NIPAL3: variants seen among roughly 807,000 people sequenced by gnomAD.
NIPAL3 encodes the protein NIPA-like protein 3.
NIPAL3 carries 41 observed loss-of-function variants against 47.2 expected under a neutral mutation model. That is an observed-to-expected ratio of 0.87 (90% CI 0.68 to 1.13). The LOEUF is 1.13. Among genes scored for constraint, NIPAL3 ranks in the 50% most tolerant of loss-of-function variants. The pLI is 0.00. For missense variants in NIPAL3, 449 were observed against 530.1 expected, an observed-to-expected ratio of 0.85 and a Z score of 1.50; for synonymous variants, 194 against 209.6, an observed-to-expected ratio of 0.93 and a Z score of 0.64.
At chr1:24,443,327 A>G (rs992121246) in intron 4 of NIPAL3, among the ~76,000 whole-genome samples, 6 of 152,220 alleles carry the variant, frequency 3.9e-5, no homozygotes, top group Non-Finnish European at 8.8e-5. Context: ...TTGCTTTGAA[A>G]TATTTCTTTC....
In NIPAL3 at chr1:24,451,548, T is replaced by G. The variant is rs570638716; in HGVS notation, c.541-1860T>G. Among the ~76,000 whole-genome samples the G allele has an allele frequency of 3.5e-4, 52 of 150,582 alleles. No individual in the cohort carries two copies. The highest frequency in any genetic ancestry group is 1.2e-3 in the African/African-American group (50 of 40,958). On this transcript the variant is annotated intron_variant, in intron 6 of 11. Transcript: ENST00000374399. This position sits in a 1 kb window ranked among gnomAD's most constrained non-coding sequence, Gnocchi z 4.5. The stretch of plus-strand genomic sequence containing the variant: ...CCGTCTCTATTTGGAAAAAAAAAAG[T>G]AAAAATTAGCCAGGTGTGGTGATGC...
At chr1:24,443,197 A>G (rs1645482040) in intron 4 of NIPAL3, among the ~76,000 whole-genome samples, 2 of 152,236 alleles carry the variant, frequency 1.3e-5, no homozygotes, top group African/African-American at 4.8e-5. Context: ...GGGAGCTTTA[A>G]TGTTCATGAG....
At position 24,471,997 on chromosome 1, in the gene NIPAL3, C is replaced by T. The variant is rs1295078660; in HGVS notation, c.*2812C>T. 1 of 136,258 alleles carries T rather than the reference C, an allele frequency of 7.3e-6. No individual in the cohort carries two copies. The highest frequency in any genetic ancestry group is 1.5e-5 in the Non-Finnish European group (1 of 65,676). The allele number at this position is 136,258 out of a possible 1,614,324, so 8.4% of individuals were successfully genotyped here. A position where few individuals can be genotyped will look rare whatever the true frequency, so the allele number is the denominator to read the frequency against. On this transcript the variant is annotated 3_prime_UTR_variant, in exon 12 of 12. Transcript: ENST00000374399. ...TATATGCTCCCAAACTTACTCTGCC[C>T]CCTTCCTTCCCTTTTTTTTTTTTTT...
intron 8 of NIPAL3, among the ~76,000 whole-genome samples, chr1:24,456,794 A>C (rs761076099): frequency 7.2e-5 from 11 of 152,156 alleles, no homozygotes; most frequent in Admixed American, 2.6e-4. Flanking sequence ...ATAGAGTCTC[A>C]CTCTGTTGCC....
intron 2 of NIPAL3, among the ~76,000 whole-genome samples, chr1:24,437,837 G>A (rs1041852073): frequency 6.6e-6 from 1 of 152,112 alleles, no homozygotes; most frequent in Non-Finnish European, 1.5e-5. Flanking sequence ...AATGGGGAGG[G>A]GGCGGAGGAG....
At position 24,449,425 on chromosome 1, in the gene NIPAL3, A is replaced by G. The variant is rs1157973103; in HGVS notation, c.395-56A>G. 5 of 1,596,126 alleles carry G rather than the reference A, an allele frequency of 3.1e-6. No homozygotes were observed. In the Admixed American group the frequency reaches 6.7e-5, roughly 21 times the overall value. On this transcript the variant is annotated intron_variant, in intron 5 of 11. Coordinates refer to ENST00000374399, the MANE Select transcript of NIPAL3 (RefSeq NM_020448.5). This position sits in a 1 kb window ranked among gnomAD's most constrained non-coding sequence, Gnocchi z 4.5. ...TGTTTTTTCATGGCTGAGAACGTGTACTGTATCTTGGGCCTGTTGTTGCAA... is the reference window on the plus strand; with the variant it reads ...TGTTTTTTCATGGCTGAGAACGTGTGCTGTATCTTGGGCCTGTTGTTGCAA...
rs187134575 is a variant in NIPAL3 at position 24,430,540 on chromosome 1, G to A, written c.94-9632G>A. On this transcript the variant is annotated intron_variant, in intron 2 of 11. Transcript: ENST00000374399. ...GCTGAGATTACAGGCATGAACCACC[G>A]TGCTAGGCTCCAGTATCACTAAATT... 5.5e-3 allele frequency among the ~76,000 whole-genome samples: 832 copies of A among 152,272 alleles called. 3 individuals carry two copies. Among genetic ancestry groups the A allele is most frequent in the Non-Finnish European group, 8.8e-3 (596 of 68,022 alleles).
intron 2 of NIPAL3, among the ~76,000 whole-genome samples, chr1:24,439,078 G>A (rs1035448290): frequency 7.2e-5 from 11 of 152,098 alleles, no homozygotes; most frequent in Non-Finnish European, 1.5e-4. Context: ...AAAAATTACC[G>A]ATTGGGTACT....
intron 9 of NIPAL3, among the ~76,000 whole-genome samples, chr1:24,459,542 G>A (rs1020219187): frequency 2.6e-5 from 4 of 152,160 alleles, no homozygotes; most frequent in African/African-American, 9.7e-5. Context: ...TGGCATAATA[G>A]GTGACTAAAA....
chr1:24,436,323 CCT>C (rs1475441125), intron 2 of NIPAL3, among the ~76,000 whole-genome samples: 1 of 151,938 alleles, frequency 6.6e-6, no homozygotes, highest in Non-Finnish European at 1.5e-5. Context: ...CTGCTCCACC[CCT>C]GTTGGTATTT....
At chr1:24,466,661 T>G (rs1646710476) in intron 11 of NIPAL3, among the ~76,000 whole-genome samples, 1 of 152,222 alleles carries the variant, frequency 6.6e-6, no homozygotes, top group African/African-American at 2.4e-5. Flanking sequence ...CCCCGCCGTG[T>G]ACACCTCTCT....
chr1:24,453,729 A>G (rs1307617017), intron 7 of NIPAL3, among the ~76,000 whole-genome samples: 2 of 152,084 alleles, frequency 1.3e-5, no homozygotes, highest in Non-Finnish European at 2.9e-5. Flanking sequence ...ATAGCACTAA[A>G]CAACTAGCCA....
intron 2 of NIPAL3, among the ~76,000 whole-genome samples, chr1:24,434,805 T>A: frequency 6.6e-6 from 1 of 152,160 alleles, no homozygotes; most frequent in East Asian, 1.9e-4. Context: ...AGTGGGAAAT[T>A]CACAAACATG....
intron 11 of NIPAL3, among the ~76,000 whole-genome samples, chr1:24,466,665 CCT>C (rs1247774365): frequency 1.3e-5 from 2 of 152,204 alleles, no homozygotes; most frequent in Non-Finnish European, 1.5e-5. Context: ...GCCGTGTACA[CCT>C]CTCTCATTGC....
At chr1:24,455,910 C>T (rs1244363245) in intron 7 of NIPAL3, among the ~76,000 whole-genome samples, 1 of 152,150 alleles carries the variant, frequency 6.6e-6, no homozygotes, top group Non-Finnish European at 1.5e-5. Flanking sequence ...GTTGGCTTTC[C>T]TCCCTCCTTT....
chr1:24,465,425 G>GTATATATATA (rs59007633), intron 11 of NIPAL3: 28 of 149,268 alleles, frequency 1.9e-4, no homozygotes, highest in African/African-American at 6.6e-4. Context: ...ATTTGTGTGT[G>GTATATATATA]TATATATATA....
chr1:24,465,355 T>C (rs1224716072), intron 11 of NIPAL3: 1 of 152,194 alleles, frequency 6.6e-6, no homozygotes, highest in Non-Finnish European at 1.5e-5. Context: ...TGTGTGCAAG[T>C]ATGTGTATGT....
chr1:24,436,663 GTTGT>G (rs1570260701), intron 2 of NIPAL3, among the ~76,000 whole-genome samples: 2 of 151,670 alleles, frequency 1.3e-5, no homozygotes, highest in Non-Finnish European at 2.9e-5. Context: ...TAATTTTTGG[GTTGT>G]TTATTTTTTT....
chr1:24,467,277 C>T (rs566754061), intron 11 of NIPAL3, among the ~76,000 whole-genome samples: 1 of 150,560 alleles, frequency 6.6e-6, no homozygotes, highest in Admixed American at 6.7e-5. Flanking sequence ...TCCTGGCTAA[C>T]ACGGTGAAAC....
Sources: allele counts gnomAD v4.1 joint callset (sites outside exome capture counted in the v4.1 genomes callset), GRCh38; gene constraint gnomAD v4.1.1; non-coding constraint Gnocchi (gnomAD v3.1); transcripts MANE v1.5; gene names NCBI Gene and HGNC (gene_info 2026-07-23, HGNC 2026-07-21).